ESYT2: variants seen among roughly 807,000 people sequenced by gnomAD.
ESYT2 encodes the protein extended synaptotagmin-2.
ESYT2 carries 54 observed loss-of-function variants against 107.2 expected under a neutral mutation model. The observed-to-expected ratio is 0.50, with a 90% CI of 0.40 to 0.63. The LOEUF (loss-of-function observed/expected upper bound fraction) is 0.63, where lower values mean the gene tolerates loss of function less well. ESYT2 is among the 30% of genes least tolerant of loss of function. The pLI, the probability that ESYT2 is intolerant of heterozygous loss-of-function variation, is 0.00. For missense variants in ESYT2, 1,020 were observed against 1,094.5 expected (o/e 0.93, Z 0.96); for synonymous variants, 491 against 434.1 (o/e 1.13, Z -1.63).
chr7:158,816,950 T>C (rs917901937), intron 1 of ESYT2, among the ~76,000 whole-genome samples: 1 of 152,250 alleles, frequency 6.6e-6, no homozygotes, highest in Non-Finnish European at 1.5e-5. Context: ...ACGCACTTAC[T>C]AGCCATTTAA....
rs1840547150 is a variant in ESYT2 at position 158,829,017 on chromosome 7, G to A, written c.330+72C>T. 3.3e-6 allele frequency: 5 copies of A among 1,525,286 alleles called. No individual in the cohort carries two copies. In the East Asian group the frequency reaches 1.3e-4, roughly 38 times the overall value. 94.5% of individuals were successfully genotyped at this position (1,525,286 alleles called of 1,614,324 possible). A position where few individuals can be genotyped will look rare whatever the true frequency, so the allele number is the denominator to read the frequency against. ...CCCAGGCGGCAGGTCGCGGGGAGGG[G>A]AGTGCCTGCCTGGACGAGGGGAGAT... On this transcript the variant is annotated intron_variant, in intron 1 of 22. Coordinates refer to ENST00000275418, the MANE Select transcript of ESYT2 (RefSeq NM_001367773.1).
At chr7:158,796,829 C>A (rs532241901) in intron 3 of ESYT2, among the ~76,000 whole-genome samples, 1 of 150,802 alleles carries the variant, frequency 6.6e-6, no homozygotes, top group Non-Finnish European at 1.5e-5. Flanking sequence ...GCACTGCAGG[C>A]GAGAGGGCAA....
At chr7:158,765,619 C>G (rs1188631155) in intron 8 of ESYT2, among the ~76,000 whole-genome samples, 1 of 151,902 alleles carries the variant, frequency 6.6e-6, no homozygotes, top group Non-Finnish European at 1.5e-5. Flanking sequence ...GTCCGTAGTC[C>G]CAGTTACTCA....
In ESYT2 at chr7:158,749,097, T is replaced by A. The variant is rs1837502333; in HGVS notation, c.1557+552A>T. 2.0e-5 allele frequency among the ~76,000 whole-genome samples: 3 copies of A among 152,080 alleles called. No individual in the cohort carries two copies. In the South Asian group the frequency reaches 6.2e-4, roughly 32 times the overall value. ...AGCAAAAACATATTCATCTATTACT[T>A]TCTAATGTTATTTTTGTTTTGTTTT... On this transcript the variant is annotated intron_variant, in intron 15 of 22. Coordinates refer to ENST00000275418, the MANE Select transcript of ESYT2 (RefSeq NM_001367773.1).
intron 13 of ESYT2, 94 bp downstream of exon 13, chr7:158,759,392 C>T: frequency 1.1e-6 from 1 of 925,928 alleles, no homozygotes; most frequent in Non-Finnish European, 1.6e-6. Flanking sequence ...AAGAAGAGAA[C>T]AGGTGATGCA....
At chr7:158,743,722 T>A (rs150720312) in intron 16 of ESYT2, 44 bp from the exon 17 acceptor site, 26 of 1,577,314 alleles carry the variant, frequency 1.6e-5, no homozygotes, top group African/African-American at 2.8e-5. Context: ...TAGGATCATG[T>A]CTGCAGAACC....
intron 19 of ESYT2, among the ~76,000 whole-genome samples, chr7:158,738,410 T>C (rs1837059333): frequency 6.6e-6 from 1 of 151,476 alleles, no homozygotes; most frequent in African/African-American, 2.4e-5. Flanking sequence ...ATTTGTACAG[T>C]ATGCTACTGT....
At chr7:158,788,859 C>T (rs1406469906) in intron 4 of ESYT2, among the ~76,000 whole-genome samples, 3 of 152,076 alleles carry the variant, frequency 2.0e-5, no homozygotes, top group East Asian at 1.9e-4. Flanking sequence ...ACCTTGCTTC[C>T]CAATCATGAT....
At chr7:158,755,203 A>G (rs1837712165) in intron 13 of ESYT2, among the ~76,000 whole-genome samples, 1 of 152,178 alleles carries the variant, frequency 6.6e-6, no homozygotes, top group African/African-American at 2.4e-5. Context: ...GAAGTAAGAG[A>G]GCACTGGGTT....
At chr7:158,789,586 C>A (rs926015621) in intron 4 of ESYT2, among the ~76,000 whole-genome samples, 46 of 152,132 alleles carry the variant, frequency 3.0e-4, no homozygotes, top group African/African-American at 1.1e-3. Flanking sequence ...GAAATCCTAA[C>A]CTCAAGGGAT....
rs191935631 is a variant in ESYT2 at position 158,792,433 on chromosome 7, T to C, written c.584+1217A>G. ...GTCTCAGCTACTCGGCAGGCTGAGG[T>C]GAGAGGATCGCTTGATTCTGGGAGG... On this transcript the variant is annotated intron_variant, in intron 4 of 22. Coordinates refer to ENST00000275418, the MANE Select transcript of ESYT2 (RefSeq NM_001367773.1). Among the ~76,000 whole-genome samples the C allele has an allele frequency of 7.0e-3, 1,053 of 150,942 alleles. 13 individuals are homozygous for C. The highest frequency in any genetic ancestry group is 0.024 in the African/African-American group (1,003 of 41,200).
chr7:158,821,013 A>T (rs1166168796), intron 1 of ESYT2, among the ~76,000 whole-genome samples: 1 of 152,232 alleles, frequency 6.6e-6, no homozygotes, highest in Admixed American at 6.5e-5. Context: ...ATGCTTACAT[A>T]TAAATTGGAC....
intron 6 of ESYT2, among the ~76,000 whole-genome samples, chr7:158,782,774 G>C (rs980074778): frequency 6.6e-6 from 1 of 151,330 alleles, no homozygotes; most frequent in African/African-American, 2.4e-5. Context: ...GAAAATGTGT[G>C]TCCATGAGAA....
At position 158,733,138 on chromosome 7, in the gene ESYT2, A is replaced by C. The variant is rs1481689082; in HGVS notation, c.*1069T>G. The C allele has an allele frequency of 2.0e-5, 3 of 152,248 alleles. No homozygotes were observed. Among genetic ancestry groups the C allele is most frequent in the Admixed American group, 6.5e-5 (1 of 15,286 alleles). The allele number at this position is 152,248 out of a possible 1,614,324, so 9.4% of individuals were successfully genotyped here. On this transcript the variant is annotated 3_prime_UTR_variant, in exon 23 of 23. Transcript: ENST00000275418. ...CCCCAACCCTGGTGGTGGCCAGTGC[A>C]CATCGGCTCAAAGGTCCCACATCCT...
At chr7:158,769,139 C>T (rs954220349) in intron 7 of ESYT2, among the ~76,000 whole-genome samples, 1 of 152,196 alleles carries the variant, frequency 6.6e-6, no homozygotes, top group African/African-American at 2.4e-5. Context: ...CCACCCACTG[C>T]AAGACAGTAT....
intron 1 of ESYT2, among the ~76,000 whole-genome samples, chr7:158,828,423 C>T (rs1340359484): frequency 2.0e-5 from 3 of 152,228 alleles, no homozygotes; most frequent in African/African-American, 7.2e-5. Context: ...CCGCGGGCGG[C>T]ACCAGGAGGA....
chr7:158,774,248 G>A (rs1391864318), intron 6 of ESYT2, among the ~76,000 whole-genome samples: 1 of 152,112 alleles, frequency 6.6e-6, no homozygotes, highest in Admixed American at 6.5e-5. Flanking sequence ...CAAATATAAA[G>A]TGGAAGAGTC....
chr7:158,821,866 G>A (rs972862209), intron 1 of ESYT2, among the ~76,000 whole-genome samples: 34 of 152,286 alleles, frequency 2.2e-4, no homozygotes, highest in Non-Finnish European at 1.5e-5. Context: ...GTAAGGCCAT[G>A]CCCTTCAATA....
chr7:158,803,252 G>A (rs1209242558), intron 1 of ESYT2, among the ~76,000 whole-genome samples: 1 of 152,244 alleles, frequency 6.6e-6, no homozygotes, highest in Non-Finnish European at 1.5e-5. Context: ...CTAGTTCTAC[G>A]TTAAGCCTAT....
Sources: gnomAD v4.1 joint callset for allele counts (sites outside exome capture counted in the v4.1 genomes callset) on GRCh38, gnomAD v4.1.1 for gene constraint, MANE v1.5 for transcripts, NCBI Gene and HGNC (gene_info 2026-07-23, HGNC 2026-07-21) for gene names.